ROPN1: variants seen among roughly 807,000 people sequenced by gnomAD.
ROPN1 encodes the protein rhophilin associated tail protein 1, also known as ropporin-1A.
ROPN1 carries 14 observed loss-of-function variants against 20.5 expected under a neutral mutation model. That is an observed-to-expected ratio of 0.68 (90% CI 0.45 to 1.07). The LOEUF is 1.07. Ranked by LOEUF, ROPN1 falls within the 50% of genes least tolerant of loss-of-function variation. ROPN1 has a pLI of 0.00. For missense variants in ROPN1, 169 were observed against 242.8 expected (o/e 0.70, Z 2.02); for synonymous variants, 76 against 95.7 (o/e 0.79, Z 1.20).
In ROPN1 at chr3:123,969,128, T is replaced by C. The variant is rs760781358; in HGVS notation, c.*27A>G. The C allele has an allele frequency of 1.1e-5, 18 of 1,584,084 alleles. No individual in the cohort carries two copies. The highest frequency in any genetic ancestry group is 1.7e-4 in the Middle Eastern group (1 of 5,984). ...CTGAAGTACAATCATCTCTGTATCT[T>C]CCTTTAAAATTGCCAAAATTGTGCT... On this transcript the variant is annotated 3_prime_UTR_variant, in exon 6 of 6. Coordinates refer to ENST00000405845, the MANE Select transcript of ROPN1 (RefSeq NM_001317774.2).
intron 1 of ROPN1, among the ~76,000 whole-genome samples, chr3:123,987,806 A>T (rs1360501212): frequency 6.6e-6 from 1 of 152,238 alleles, no homozygotes; most frequent in Non-Finnish European, 1.5e-5. Flanking sequence ...ACTTGCTTAT[A>T]TATCATGCTA....
intron 4 of ROPN1, among the ~76,000 whole-genome samples, chr3:123,970,442 A>ACTACTC (rs2037893119): frequency 6.6e-6 from 1 of 152,220 alleles, no homozygotes; most frequent in Non-Finnish European, 1.5e-5. Context: ...TTGTTGGAAG[A>ACTACTC]CTACTCAAGG....
At chr3:123,974,195 C>A (rs2037970278) in intron 4 of ROPN1, among the ~76,000 whole-genome samples, 1 of 152,072 alleles carries the variant, frequency 6.6e-6, no homozygotes, top group Middle Eastern at 3.2e-3. Flanking sequence ...GGTATATTTT[C>A]CCCCAAAAAC....
At chr3:123,974,805 T>C (rs936328610) in intron 4 of ROPN1, 8 of 164,588 alleles carry the variant, frequency 4.9e-5, no homozygotes, top group African/African-American at 1.9e-4. Flanking sequence ...TTCAAAACAG[T>C]AAAATTGCAT....
At position 123,976,972 on chromosome 3, in the gene ROPN1, C is replaced by T; in HGVS notation, c.126G>A (p.Glu42=). Residue 42 remains glutamate, a synonymous_variant, in exon 3 of 6, where the codon GAG becomes GAA. Transcript: ENST00000405845. ...DLIQWAADYF[E]ALSRGETPPV... ...GAGGCGTCTCTCCACGGGACAGGGC[C>T]TCAAAATAACTACAAGAAAAAAAGT... The T allele has an allele frequency of 1.2e-6, 2 of 1,611,210 alleles. No homozygotes were observed. Among genetic ancestry groups the T allele is most frequent in the Non-Finnish European group, 1.7e-6 (2 of 1,179,152 alleles).
chr3:123,982,248 A>C lies in ROPN1; in HGVS notation c.-12-1755T>G, dbSNP rs574620280. ...CAATTGTTTTTGATAAAATGATAAA[A>C]AGCTTCAATTGTTAAGACAATAACA... is the stretch of plus-strand genomic sequence containing the variant. On this transcript the variant is annotated intron_variant, in intron 1 of 5. Transcript: ENST00000405845. 1.2e-4 allele frequency among the ~76,000 whole-genome samples: 18 copies of C among 152,350 alleles called. 1 individual carries two copies. The South Asian group carries it at 3.7e-3, about 32-fold the overall frequency.
intron 1 of ROPN1, among the ~76,000 whole-genome samples, chr3:123,989,927 C>T (rs918146071): frequency 2.0e-5 from 3 of 152,162 alleles, no homozygotes; most frequent in Non-Finnish European, 4.4e-5. Flanking sequence ...TCTGTGATTC[C>T]TGTATATTTT....
chr3:123,973,685 C>G (rs1251755075), intron 4 of ROPN1, among the ~76,000 whole-genome samples: 1 of 152,132 alleles, frequency 6.6e-6, no homozygotes, highest in Admixed American at 6.5e-5. Context: ...AGAACTCAGA[C>G]ACACCACACA....
intron 4 of ROPN1, chr3:123,974,665 G>T (rs1464497113): frequency 6.6e-6 from 1 of 152,622 alleles, no homozygotes; most frequent in African/African-American, 2.4e-5. Context: ...GTATCTCAGG[G>T]ATTCTTTTAA....
At chr3:123,988,989 CAA>C (rs974145214) in intron 1 of ROPN1, among the ~76,000 whole-genome samples, 3 of 152,048 alleles carry the variant, frequency 2.0e-5, no homozygotes, top group African/African-American at 4.8e-5. Context: ...AAATACTTTT[CAA>C]AGAGTGGTGA....
chr3:123,976,438 T>TCA (rs35720313), intron 3 of ROPN1, among the ~76,000 whole-genome samples: 17,393 of 152,212 alleles, frequency 0.11, 1,217 homozygotes, highest in Middle Eastern at 0.22. Context: ...ATGAAGAGGC[T>TCA]CACAGCCTCT....
chr3:123,973,292 C>A (rs1187174537), intron 4 of ROPN1, among the ~76,000 whole-genome samples: 2 of 152,168 alleles, frequency 1.3e-5, no homozygotes, highest in African/African-American at 2.4e-5. Context: ...GCAGATTTAA[C>A]CTCCAGGCTG....
intron 4 of ROPN1, among the ~76,000 whole-genome samples, chr3:123,972,993 T>C (rs1355117414): frequency 1.3e-5 from 2 of 152,184 alleles, no homozygotes; most frequent in Admixed American, 6.5e-5. Context: ...TCCTCATGAA[T>C]GATGCCTTCT....
At position 123,980,430 on chromosome 3, in the gene ROPN1, G is replaced by A; in HGVS notation, c.52C>T (p.Leu18=). The part of the protein sequence containing the change: ...TCIPPELPKM[L]KEFAKAAIRV... ...ATGGCGGCTTTGGCAAACTCCTTCA[G>A]CATCTTCGGCAGCTCCGGCGGGATG... Residue 18 remains leucine, a synonymous_variant, in exon 2 of 6, where the codon CTG becomes TTG. Transcript: ENST00000405845. 1 of 1,614,176 alleles carries A rather than the reference G, an allele frequency of 6.2e-7. No individual in the cohort carries two copies. The highest frequency in any genetic ancestry group is 1.3e-5 in the African/African-American group (1 of 75,038).
chr3:123,985,829 T>C (rs1024508430), intron 1 of ROPN1, among the ~76,000 whole-genome samples: 2 of 151,494 alleles, frequency 1.3e-5, no homozygotes, highest in Admixed American at 6.6e-5. Context: ...CTGGGCAACA[T>C]GGTGAAACCC....
In ROPN1 at chr3:123,976,732, A is replaced by G. The variant is rs2148993443; in HGVS notation, c.234+132T>C. The G allele has an allele frequency of 3.8e-6, 3 of 790,948 alleles. No homozygotes were observed. The South Asian group carries it at 7.1e-5, about 19-fold the overall frequency. The allele number at this position is 790,948 out of a possible 1,614,324, so 49.0% of individuals were successfully genotyped here. On this transcript the variant is annotated intron_variant, in intron 3 of 5. Coordinates refer to ENST00000405845, the MANE Select transcript of ROPN1 (RefSeq NM_001317774.2). ...CCAAGGAAAGATTTACTTTCAGTCC[A>G]CGGTTTAGTGTATTTTAGGGTGGTG...
intron 1 of ROPN1, 92 bp downstream of exon 1, chr3:123,991,830 G>C (rs1436986341): frequency 1.3e-5 from 2 of 152,198 alleles, no homozygotes; most frequent in Non-Finnish European, 2.9e-5. Context: ...CAGAATCCAG[G>C]GGGCGTCCGG....
In ROPN1 at chr3:123,976,934, C is replaced by T. The variant is rs149212157; in HGVS notation, c.164G>A (p.Arg55Gln). The T allele has an allele frequency of 3.5e-3, 5,700 of 1,614,090 alleles. 25 individuals are homozygous for T. The highest frequency in any genetic ancestry group is 0.013 in the South Asian group (1,227 of 91,064). The change falls in exon 3 of 6, where the codon CGG becomes CAG. Residue 55 changes from arginine to glutamine, a missense_variant. Physicochemically the swap from Arg to Gln is conservative, Grantham distance 43. This residue lies in a region of ROPN1 where 84 missense variants were observed against 99.3 expected (regional missense o/e 0.85). Coordinates refer to ENST00000405845, the MANE Select transcript of ROPN1 (RefSeq NM_001317774.2). ...GTTACACAAAGCGACTCGCTCAGAC[C>T]GCTCTCTCACCGGAGGCGTCTCTCC... The part of the protein sequence containing the change: ...SRGETPPVRE[R>Q]SERVALCNRA...
chr3:123,972,002 G>C (rs2148990405), intron 4 of ROPN1, among the ~76,000 whole-genome samples: 1 of 152,248 alleles, frequency 6.6e-6, no homozygotes. Flanking sequence ...AGGCACAGAG[G>C]AACACAGTTT....
Sources: gnomAD v4.1 joint callset for allele counts (sites outside exome capture counted in the v4.1 genomes callset) on GRCh38, gnomAD v4.1.1 for gene constraint, gnomAD v4.1.1 regional missense constraint, MANE v1.5 for transcripts, NCBI Gene and HGNC (gene_info 2026-07-23, HGNC 2026-07-21) for gene names.